The following NR5A1 variants were observed in gnomAD, a reference collection of about 807,000 sequenced individuals.
NR5A1 encodes the protein steroidogenic factor 1.
NR5A1 carries 6 observed loss-of-function variants against 42.7 expected under a neutral mutation model. The observed-to-expected ratio is 0.14, with a 90% CI of 0.08 to 0.28. NR5A1 has a LOEUF of 0.28. Ranked by LOEUF, NR5A1 falls within the 10% of genes least tolerant of loss-of-function variation. The pLI is 1.00. For missense variants in NR5A1, 442 were observed against 626.4 expected (o/e 0.71, Z 3.14); for synonymous variants, 274 against 277.5 (o/e 0.99, Z 0.12).
chr9:124,492,162 G>A lies in NR5A1; in HGVS notation c.990+868C>T, dbSNP rs551342223. ...ACCCCACAGCACCCACCGACCCCAC[G>A]GCCCTTCCTGTGTCCCCACCTGAGA... is the stretch of plus-strand genomic sequence containing the variant. On this transcript the variant is annotated intron_variant, in intron 5 of 6. Transcript: ENST00000373588. Among the ~76,000 whole-genome samples, 5 of 151,676 alleles carry A rather than the reference G, an allele frequency of 3.3e-5. No individual in the cohort carries two copies. In the East Asian group the frequency reaches 5.8e-4, roughly 18 times the overall value.
chr9:124,482,962 C>T lies in NR5A1; in HGVS notation c.1182G>A (p.Gln394=). The part of the protein sequence containing the change: ...LNNHILVKDA[Q]EKANAALLDY... ...CAAGCAGGGCGGCGTTGGCCTTCTC[C>T]TGAGCGTCTTTCACCAGGATGTGGT... Residue 394 remains glutamine (Q), a synonymous_variant, in exon 7 of 7, where the codon CAG becomes CAA. Coordinates refer to ENST00000373588, the MANE Select transcript of NR5A1 (RefSeq NM_004959.5). 6.2e-7 allele frequency: 1 copy of T among 1,614,126 alleles called. No individual in the cohort carries two copies. The highest frequency in any genetic ancestry group is 8.5e-7 in the Non-Finnish European group (1 of 1,180,030).
intron 4 of NR5A1, among the ~76,000 whole-genome samples, chr9:124,499,529 A>C (rs533543787): frequency 6.6e-6 from 1 of 152,226 alleles, no homozygotes; most frequent in East Asian, 1.9e-4. Flanking sequence ...TGGCCCACAA[A>C]TGCCCCAAAC....
chr9:124,506,416 TG>T (rs1314561856), intron 1 of NR5A1, among the ~76,000 whole-genome samples: 1 of 151,316 alleles, frequency 6.6e-6, no homozygotes, highest in African/African-American at 2.4e-5. Flanking sequence ...GAGCTGGAGG[TG>T]GGGGTCACTG....
chr9:124,486,399 C>T (rs1025882084), intron 6 of NR5A1, among the ~76,000 whole-genome samples: 7 of 152,220 alleles, frequency 4.6e-5, no homozygotes, highest in African/African-American at 1.7e-4. Flanking sequence ...CCAGGGCCCC[C>T]TCAAGACACA....
intron 4 of NR5A1, among the ~76,000 whole-genome samples, chr9:124,499,225 C>A (rs1039968418): frequency 1.3e-5 from 2 of 152,206 alleles, no homozygotes; most frequent in African/African-American, 4.8e-5. Context: ...TCTGGGGCCT[C>A]AGGCTCTTCA....
chr9:124,486,909 C>G (rs1005627292), intron 6 of NR5A1, among the ~76,000 whole-genome samples: 1 of 152,260 alleles, frequency 6.6e-6, no homozygotes, highest in Admixed American at 6.5e-5. Flanking sequence ...CACTTCCCCT[C>G]TCTGAGCTGC....
intron 6 of NR5A1, 45 bp downstream of exon 6, chr9:124,491,036 C>CCCCCCCTGGG (rs1564149487): frequency 7.1e-7 from 1 of 1,401,598 alleles, no homozygotes; most frequent in African/African-American, 1.4e-5. Context: ...CCCACCCACC[C>CCCCCCCTGGG]GCCTCTGGCT....
rs1248644159 is a variant in NR5A1, at chr9:124,500,671, G to A, written c.289C>T (p.Pro97Ser). ...RMRGGRNKFG[P>S]MYKRDRALKQ... is the part of the protein sequence containing the mutation. The stretch of plus-strand genomic sequence containing the variant: ...AGGGCCCGGTCCCGCTTGTACATCG[G>A]CCCAAACTTGTTCCGGCCACCCCTC... The change falls in exon 4 of 7, where the codon CCG (proline) becomes TCG (serine). Residue 97 changes from proline to serine, a missense_variant. Physicochemically the swap from Pro to Ser is moderately conservative, Grantham distance 74. Coordinates refer to ENST00000373588, the MANE Select transcript of NR5A1 (RefSeq NM_004959.5). The surrounding 1 kb of genome is among the most constrained non-coding windows in gnomAD (Gnocchi z 6.9). 6.2e-7 allele frequency: 1 copy of A among 1,613,246 alleles called. No individual in the cohort carries two copies.
chr9:124,504,730 G>T (rs1420966989), intron 1 of NR5A1, among the ~76,000 whole-genome samples: 1 of 146,788 alleles, frequency 6.8e-6, no homozygotes, highest in Non-Finnish European at 1.5e-5. Flanking sequence ...CGCGGAGCCC[G>T]CACCTCTCGG....
In NR5A1 at chr9:124,503,181, T is replaced by A; in HGVS notation, c.142A>T (p.Thr48Ser). Residue 48 changes from threonine to serine, a missense_variant, in exon 3 of 7, where the codon ACG (threonine) becomes TCG (serine). By Grantham distance (58) the Thr-to-Ser change is moderately conservative (BLOSUM62 1). Coordinates refer to ENST00000373588, the MANE Select transcript of NR5A1 (RefSeq NM_004959.5). This position sits in a 1 kb window ranked among gnomAD's most constrained non-coding sequence, Gnocchi z 9.6. ...TTGCAGCTCTGGCTCTCGGTGCACG[T>A]GTAGTGCTTGTTGTTCTGCACCGTG... is the stretch of plus-strand genomic sequence containing the variant. ...KRTVQNNKHY[T>S]CTESQSCKID... is the part of the protein sequence containing the mutation. 6.2e-7 allele frequency: 1 copy of A among 1,602,790 alleles called. No individual in the cohort carries two copies. The highest frequency in any genetic ancestry group is 1.1e-5 in the South Asian group (1 of 89,176).
intron 5 of NR5A1, 54 bp downstream of exon 5, chr9:124,492,976 A>G (rs1325617398): frequency 6.6e-7 from 1 of 1,509,184 alleles, no homozygotes; most frequent in Non-Finnish European, 8.9e-7. Context: ...GAATCCTGGA[A>G]GTGCACAGCG....
chr9:124,492,303 C>CCCCCGTGT (rs1832327570), intron 5 of NR5A1, among the ~76,000 whole-genome samples: 1 of 148,960 alleles, frequency 6.7e-6, no homozygotes, highest in African/African-American at 2.5e-5. Flanking sequence ...CGTGGCTGTG[C>CCCCCGTGT]CCCCGTGTCC....
Position 124,496,281 on chromosome 9 carries a change from A to G in NR5A1, c.871-3132T>C, listed in dbSNP as rs1832390461. Among the ~76,000 whole-genome samples, 1 of 152,192 alleles carries G rather than the reference A, an allele frequency of 6.6e-6. No individual in the cohort carries two copies. Among genetic ancestry groups the G allele is most frequent in the African/African-American group, 2.4e-5 (1 of 41,444 alleles). On this transcript the variant is annotated intron_variant, in intron 4 of 6. Transcript: ENST00000373588. This position sits in a 1 kb window ranked among gnomAD's most constrained non-coding sequence, Gnocchi z 5.0. Reference sequence around the variant, plus strand: ...CCCTGCATGAGAAAGCAGGTGGCTAAGAGGTTCCTTTAACCAGAGAGGGTT... The same window carrying G: ...CCCTGCATGAGAAAGCAGGTGGCTAGGAGGTTCCTTTAACCAGAGAGGGTT...
Position 124,491,411 on chromosome 9 carries a change from C to T in NR5A1, c.991-183G>A, listed in dbSNP as rs984216800. Among the ~76,000 whole-genome samples the T allele has an allele frequency of 7.2e-5, 11 of 152,140 alleles. No individual in the cohort carries two copies. The East Asian group carries it at 1.9e-3, about 27-fold the overall frequency. ...GGTAACATCTGCACAGCCCCGGGGACGCTGCCGGGCCCACCCTTCCGAGCT... is the reference window on the plus strand; with the variant it reads ...GGTAACATCTGCACAGCCCCGGGGATGCTGCCGGGCCCACCCTTCCGAGCT... On this transcript the variant is annotated intron_variant, in intron 5 of 6. Transcript: ENST00000373588.
intron 5 of NR5A1, among the ~76,000 whole-genome samples, chr9:124,492,345 C>G (rs1477597336): frequency 6.6e-6 from 1 of 151,454 alleles, no homozygotes; most frequent in Non-Finnish European, 1.5e-5. Flanking sequence ...CATCCTGACC[C>G]CTCCGCCTGC....
intron 6 of NR5A1, among the ~76,000 whole-genome samples, chr9:124,489,234 C>T (rs1005145103): frequency 6.6e-6 from 1 of 152,214 alleles, no homozygotes; most frequent in Non-Finnish European, 1.5e-5. Flanking sequence ...TGGCTGATAG[C>T]CCACCCTCCA....
Position 124,500,368 on chromosome 9 carries a change from G to A in NR5A1, c.592C>T (p.Pro198Ser). 1 of 1,556,820 alleles carries A rather than the reference G, an allele frequency of 6.4e-7. No homozygotes were observed. The highest frequency in any genetic ancestry group is 1.2e-5 in the South Asian group (1 of 84,866). The change falls in exon 4 of 7, where the codon CCG (proline) becomes TCG (serine). Residue 198 changes from proline (P) to serine (S), a missense_variant. This residue lies in a region of NR5A1 where 208 missense variants were observed against 203.8 expected (regional missense o/e 1.02). Coordinates refer to ENST00000373588, the MANE Select transcript of NR5A1 (RefSeq NM_004959.5). This position sits in a 1 kb window ranked among gnomAD's most constrained non-coding sequence, Gnocchi z 6.9. ...FPGRAIKSEYPEPYASPPQPG... is the reference protein window; with the variant it reads ...FPGRAIKSEYSEPYASPPQPG... ...TGTGGGGGGCTGGCATAAGGCTCCG[G>A]GTACTCAGACTTGATGGCACGGCCA...
At chr9:124,494,352 G>A (rs2131281186) in intron 4 of NR5A1, among the ~76,000 whole-genome samples, 1 of 152,268 alleles carries the variant, frequency 6.6e-6, no homozygotes, top group Middle Eastern at 3.4e-3. Flanking sequence ...TTAACCACTA[G>A]GTGTGGAAGA....
At chr9:124,488,613 C>T (rs186441442) in intron 6 of NR5A1, among the ~76,000 whole-genome samples, 41 of 152,242 alleles carry the variant, frequency 2.7e-4, no homozygotes, top group Non-Finnish European at 5.1e-4. Flanking sequence ...AATTCCGACA[C>T]ACACTTCCCA....
Sources: gnomAD v4.1 joint callset for allele counts (sites outside exome capture counted in the v4.1 genomes callset) on GRCh38, gnomAD v4.1.1 for gene constraint, gnomAD v4.1.1 regional missense constraint, Gnocchi (gnomAD v3.1) non-coding constraint, MANE v1.5 for transcripts, NCBI Gene and HGNC (gene_info 2026-07-23, HGNC 2026-07-21) for gene names.